Variants in ZNF185 observed in about 807,000 individuals in gnomAD.
The protein encoded by ZNF185 is zinc finger protein 185.
A neutral mutation model predicts 58.6 loss-of-function variants in ZNF185; 56 were observed. The ratio of observed to expected loss-of-function variants is 0.95; its 90% CI spans 0.77 to 1.19. The LOEUF is 1.19. ZNF185 is among the 50% of genes most tolerant of loss of function. The pLI is 0.00. For synonymous variants in ZNF185, 230 were observed against 215.9 expected, an observed-to-expected ratio of 1.07 and a Z score of -0.57; for missense variants, 627 against 573.5, an observed-to-expected ratio of 1.09 and a Z score of -0.95.
chrX:152,937,358 T>A (rs1223557950), intron 14 of ZNF185, among the ~76,000 whole-genome samples: 2 of 111,986 alleles, frequency 1.8e-5, no homozygotes, highest in African/African-American at 3.3e-5. Flanking sequence ...CTTGGCTGCT[T>A]AGTCCGGTGG....
chrX:152,952,396 A>C (rs12857868), intron 16 of ZNF185, among the ~76,000 whole-genome samples: 23,918 of 111,829 alleles, frequency 0.21, 2,214 homozygotes, highest in South Asian at 0.39. Context: ...GTACTTATTT[A>C]TCTCTAAGTC....
exon 20 of ZNF185, chrX:152,967,212 A>C: frequency 8.3e-7 from 1 of 1,211,627 alleles, no homozygotes. Context: ...AGAAGCCTCC[A>C]TGTGGCAGCA....
At chrX:152,925,150 T>A (rs975687576) in intron 11 of ZNF185, among the ~76,000 whole-genome samples, 1 of 111,163 alleles carries the variant, frequency 9.0e-6, no homozygotes, top group South Asian at 3.8e-4. Context: ...AAAATAAAAA[T>A]TAAAAATTAG....
At chrX:152,906,086 C>T in the ZNF185 span, among the ~76,000 whole-genome samples, 1 of 112,441 alleles carries the variant, frequency 8.9e-6, no homozygotes, top group Non-Finnish European at 1.9e-5. Flanking sequence ...ACCCAGACAC[C>T]ATGAGGGGAG....
chrX:152,914,576 C>T, intron 1 of ZNF185, 53 bp downstream of exon 2: 1 of 1,148,934 alleles, frequency 8.7e-7, no homozygotes, highest in Non-Finnish European at 1.2e-6. Context: ...TGTTTGCTTC[C>T]AAGCCTGCCC....
chrX:152,915,232 G>A, intron 3 of ZNF185, 29 bp downstream of exon 4: 1 of 1,197,801 alleles, frequency 8.3e-7, no homozygotes, highest in Non-Finnish European at 1.1e-6. Flanking sequence ...GTGGCTGGTG[G>A]GTCAGCCCCA....
chrX:152,905,659 C>T, the ZNF185 span, among the ~76,000 whole-genome samples: 33 of 109,833 alleles, frequency 3.0e-4, no homozygotes, highest in East Asian at 9.2e-3. Context: ...ATTTGACCTC[C>T]ACCCCTATTT....
rs1375457130 is a variant in ZNF185, at chrX:152,949,655, T to A, written c.1409+4191T>A. ...ACACGCCAGGAAGAAAGCCACTAGATGTGCTCTCCTAGTGGATAACTAGCC... is the reference window on the plus strand; with the variant it reads ...ACACGCCAGGAAGAAAGCCACTAGAAGTGCTCTCCTAGTGGATAACTAGCC... On this transcript the variant is annotated intron_variant, in intron 16 of 22. Coordinates refer to ENST00000449285, the Ensembl canonical transcript of ZNF185. 2.7e-5 allele frequency among the ~76,000 whole-genome samples: 3 copies of A among 111,688 alleles called. No individual in the cohort carries two copies. In the Admixed American group the frequency reaches 2.9e-4, roughly 11 times the overall value.
At chrX:152,942,447 T>C (rs1037024275) in intron 15 of ZNF185, among the ~76,000 whole-genome samples, 3 of 111,710 alleles carry the variant, frequency 2.7e-5, no homozygotes, top group Non-Finnish European at 3.8e-5. Flanking sequence ...TCCTACCATA[T>C]AGGGTTGTTG....
upstream of ZNF185, among the ~76,000 whole-genome samples, chrX:152,910,653 C>T (rs1556860978): frequency 8.9e-6 from 1 of 112,469 alleles, no homozygotes; most frequent in African/African-American, 3.2e-5. Flanking sequence ...ACTGTGATGA[C>T]ACCTGTTTCA....
chrX:152,939,191 C>CT (rs2046839304), intron 15 of ZNF185, among the ~76,000 whole-genome samples: 1 of 112,034 alleles, frequency 8.9e-6, no homozygotes, highest in South Asian at 3.7e-4. Context: ...ATTGCTGTTG[C>CT]TTTTTTACTT....
intron 14 of ZNF185, among the ~76,000 whole-genome samples, chrX:152,934,187 C>T (rs1183682401): frequency 7.1e-5 from 8 of 112,729 alleles, no homozygotes; most frequent in African/African-American, 2.3e-4. Flanking sequence ...GAATGAAGTC[C>T]AAACCCTTTC....
intron 16 of ZNF185, among the ~76,000 whole-genome samples, chrX:152,945,773 C>T (rs1376527034): frequency 3.6e-5 from 4 of 111,709 alleles, no homozygotes; most frequent in Non-Finnish European, 7.5e-5. Flanking sequence ...TACAGGTGCT[C>T]TACAGGTGGG....
intron 15 of ZNF185, among the ~76,000 whole-genome samples, chrX:152,940,060 G>A (rs994740667): frequency 9.0e-5 from 10 of 111,609 alleles, no homozygotes; most frequent in Non-Finnish European, 1.9e-4. Flanking sequence ...TGGGATTACA[G>A]GCGTGAGCCA....
At chrX:152,956,809 G>A (rs1215210321) in intron 16 of ZNF185, among the ~76,000 whole-genome samples, 2 of 112,471 alleles carry the variant, frequency 1.8e-5, no homozygotes, top group Non-Finnish European at 3.8e-5. Flanking sequence ...TAAGCCAAAT[G>A]TCACTGTTGC....
intron 11 of ZNF185, among the ~76,000 whole-genome samples, chrX:152,924,153 C>A (rs1162935734): frequency 9.0e-6 from 1 of 111,608 alleles, no homozygotes; most frequent in African/African-American, 3.3e-5. Flanking sequence ...CTCACTCCGT[C>A]GCCCAGGCTG....
chrX:152,970,816 G>A (rs902317873), intron 22 of ZNF185, among the ~76,000 whole-genome samples: 1 of 111,055 alleles, frequency 9.0e-6, no homozygotes, highest in Non-Finnish European at 1.9e-5. Flanking sequence ...ATACTCGCTC[G>A]GCCGCTGTTG....
chrX:152,918,288 C>G, intron 6 of ZNF185, 134 bp downstream of exon 7: 1 of 744,270 alleles, frequency 1.3e-6, no homozygotes, highest in South Asian at 2.3e-5. Context: ...ACACTCCCTG[C>G]CAGTTGCAGC....
intron 16 of ZNF185, among the ~76,000 whole-genome samples, chrX:152,952,409 TTAGAA>T (rs1323031453): frequency 8.9e-6 from 1 of 112,467 alleles, no homozygotes; most frequent in Non-Finnish European, 1.9e-5. Flanking sequence ...TCTAAGTCAA[TTAGAA>T]TAGAGGATAA....
Sources: allele counts gnomAD v4.1 joint callset (sites outside exome capture counted in the v4.1 genomes callset), GRCh38; gene constraint gnomAD v4.1.1; transcripts MANE v1.5; gene names NCBI Gene and HGNC (gene_info 2026-07-23, HGNC 2026-07-21).